Variants in ORC3 observed in about 807,000 individuals in gnomAD.
The protein encoded by ORC3 is homolog of latheo, Drosophila.
ORC3 carries 78 observed loss-of-function variants against 100.7 expected under a neutral mutation model. The observed-to-expected ratio is 0.77, with a 90% CI of 0.65 to 0.94. The LOEUF is 0.94. Among genes scored for constraint, ORC3 ranks in the 40% least tolerant of loss-of-function variants. The pLI, the probability that ORC3 is intolerant of heterozygous loss-of-function variation, is 0.00. For missense variants in ORC3, 789 were observed against 823.9 expected (o/e 0.96, Z 0.52); for synonymous variants, 295 against 289.3 (o/e 1.02, Z -0.20).
At chr6:87,650,728 C>T (rs980283161) in intron 13 of ORC3, among the ~76,000 whole-genome samples, 5 of 152,226 alleles carry the variant, frequency 3.3e-5, no homozygotes, top group African/African-American at 4.8e-5. Flanking sequence ...GAGGACTAGA[C>T]TGGGTGCAGT....
At chr6:87,606,744 G>T (rs1249536036) in intron 5 of ORC3, among the ~76,000 whole-genome samples, 2 of 151,988 alleles carry the variant, frequency 1.3e-5, no homozygotes, top group African/African-American at 4.8e-5. Context: ...TGTAGAGATT[G>T]GGTCTTGCTG....
intron 9 of ORC3, 132 bp from the exon 10 acceptor site, chr6:87,621,222 G>A: frequency 1.9e-6 from 1 of 526,968 alleles, no homozygotes. Context: ...GTGTTATTGT[G>A]ACATTATTAA....
intron 13 of ORC3, among the ~76,000 whole-genome samples, chr6:87,640,444 G>C (rs1324210524): frequency 6.6e-6 from 1 of 152,162 alleles, no homozygotes; most frequent in African/African-American, 2.4e-5. Flanking sequence ...GAGCTCAGTG[G>C]TTCTGCATAT....
downstream of ORC3, among the ~76,000 whole-genome samples, chr6:87,668,716 C>T (rs767167166): frequency 2.0e-5 from 3 of 152,190 alleles, no homozygotes; most frequent in Non-Finnish European, 4.4e-5. Context: ...GGTACAGCAG[C>T]TCGCGCCTGT....
At position 87,667,105 on chromosome 6, in the gene ORC3, A is replaced by G. The variant is rs1422546594; in HGVS notation, c.2118A>G (p.Leu706=). 6 of 1,602,182 alleles carry G rather than the reference A, an allele frequency of 3.7e-6. No individual in the cohort carries two copies. The highest frequency in any genetic ancestry group is 5.1e-6 in the Non-Finnish European group (6 of 1,172,346). ...AGAAGACTGACCATGTGGCAAGACTAACATGGGGAGGCTGCTAGAAAGCAA... is the reference window on the plus strand; with the variant it reads ...AGAAGACTGACCATGTGGCAAGACTGACATGGGGAGGCTGCTAGAAAGCAA... ...TKQKTDHVAR[L]TWGGC is the part of the protein sequence containing the mutation. The change falls in exon 20 of 20, where the codon CTA becomes CTG. Residue 706 remains leucine, a synonymous_variant. Transcript: ENST00000392844.
the ORC3 span, among the ~76,000 whole-genome samples, chr6:87,676,596 A>AACACACGCACGCGTGCACACAC: frequency 7.0e-6 from 1 of 142,046 alleles, no homozygotes; most frequent in African/African-American, 2.7e-5. Flanking sequence ...CTCTACTAAA[A>AACACACGCACGCGTGCACACAC]ACACACACAC....
At chr6:87,676,623 A>AC in the ORC3 span, among the ~76,000 whole-genome samples, 105 of 148,206 alleles carry the variant, frequency 7.1e-4, no homozygotes, top group African/African-American at 2.6e-3. Flanking sequence ...ACACACACAC[A>AC]CACAAACATA....
intron 14 of ORC3, among the ~76,000 whole-genome samples, chr6:87,656,145 T>C (rs1769669560): frequency 6.6e-6 from 1 of 152,236 alleles, no homozygotes; most frequent in African/African-American, 2.4e-5. Context: ...AGAACCATGA[T>C]GCACTTTATG....
intron 9 of ORC3, among the ~76,000 whole-genome samples, chr6:87,618,488 C>T (rs1044070164): frequency 4.0e-5 from 6 of 151,776 alleles, no homozygotes; most frequent in African/African-American, 1.5e-4. Context: ...AGTAAACCCA[C>T]AAATCTGAGT....
chr6:87,677,180 A>G, the ORC3 span, among the ~76,000 whole-genome samples: 3 of 152,184 alleles, frequency 2.0e-5, no homozygotes, highest in South Asian at 4.1e-4. Context: ...ACTGACTGCA[A>G]TGAGAATAGG....
chr6:87,676,596 A>ACACACACACACAC, the ORC3 span, among the ~76,000 whole-genome samples: 1 of 142,046 alleles, frequency 7.0e-6, no homozygotes, highest in African/African-American at 2.7e-5. Context: ...CTCTACTAAA[A>ACACACACACACAC]ACACACACAC....
Position 87,594,390 on chromosome 6 carries a change from A to G in ORC3, c.62A>G (p.Lys21Arg). The change falls in exon 2 of 20, where the codon AAG (lysine) becomes AGG (arginine). Residue 21 changes from lysine to arginine, a missense_variant. This residue lies in a region of ORC3 where 399 missense variants were observed against 382.0 expected (regional missense o/e 1.04). Transcript: ENST00000392844. ...FVFKPNSKKRKISLPIEDYFN... is the reference protein window; with the variant it reads ...FVFKPNSKKRRISLPIEDYFN... The stretch of plus-strand genomic sequence containing the variant: ...TTTAAGCCAAACTCCAAAAAGAGAA[A>G]GATCTCTCTGCCAATAGGTAAGGTG... 6.3e-7 allele frequency: 1 copy of G among 1,583,954 alleles called. No individual in the cohort carries two copies. The highest frequency in any genetic ancestry group is 8.6e-7 in the Non-Finnish European group (1 of 1,159,274).
At chr6:87,608,008 A>G (rs1778474474) in intron 6 of ORC3, among the ~76,000 whole-genome samples, 184 bp downstream of exon 6, 1 of 152,234 alleles carries the variant, frequency 6.6e-6, no homozygotes, top group Non-Finnish European at 1.5e-5. Context: ...TTTTATTAGT[A>G]TGCAGCCTAA....
intron 2 of ORC3, among the ~76,000 whole-genome samples, chr6:87,595,743 A>T (rs1478171054): frequency 6.6e-6 from 1 of 152,162 alleles, no homozygotes; most frequent in Non-Finnish European, 1.5e-5. Flanking sequence ...ATATTAAGGG[A>T]GTGGATTTTT....
At chr6:87,672,730 C>T in the ORC3 span, among the ~76,000 whole-genome samples, 127 of 152,304 alleles carry the variant, frequency 8.3e-4, no homozygotes, top group Admixed American at 2.4e-3. Flanking sequence ...TGAGAACCTT[C>T]TACCATTTTC....
chr6:87,603,821 T>C (rs911844205), intron 4 of ORC3, among the ~76,000 whole-genome samples: 1 of 152,252 alleles, frequency 6.6e-6, no homozygotes, highest in African/African-American at 2.4e-5. Flanking sequence ...TCTTTGTAGA[T>C]ACATTACAAG....
intron 11 of ORC3, among the ~76,000 whole-genome samples, chr6:87,632,563 A>G (rs945792029): frequency 2.0e-5 from 3 of 152,126 alleles, no homozygotes; most frequent in Non-Finnish European, 4.4e-5. Flanking sequence ...AAAACAATAC[A>G]ATACAAAACA....
At chr6:87,619,871 T>C (rs1779413049) in intron 9 of ORC3, among the ~76,000 whole-genome samples, 1 of 152,130 alleles carries the variant, frequency 6.6e-6, no homozygotes, top group African/African-American at 2.4e-5. Flanking sequence ...TAAGTCGTGA[T>C]TTCTACTTGA....
intron 14 of ORC3, 114 bp downstream of exon 14, chr6:87,653,363 G>A (rs1769425944): frequency 1.1e-6 from 1 of 917,512 alleles, no homozygotes; most frequent in South Asian, 2.2e-5. Flanking sequence ...AGTAGTTCAT[G>A]ATCAGTCAGT....
Sources: gnomAD v4.1 joint callset for allele counts (sites outside exome capture counted in the v4.1 genomes callset) on GRCh38, gnomAD v4.1.1 for gene constraint, gnomAD v4.1.1 regional missense constraint, MANE v1.5 for transcripts, NCBI Gene and HGNC (gene_info 2026-07-23, HGNC 2026-07-21) for gene names.